The following ZCCHC2 variants were observed in gnomAD, a reference collection of about 807,000 sequenced individuals.
ZCCHC2 encodes zinc finger CCHC domain-containing protein 2.
Under a neutral mutation model 103.6 loss-of-function variants are expected in ZCCHC2, and 39 were observed. That is an observed-to-expected ratio of 0.38 (90% CI 0.29 to 0.49). ZCCHC2 has a LOEUF of 0.49. Among genes scored for constraint, ZCCHC2 ranks in the 20% least tolerant of loss-of-function variants. The pLI, the probability that ZCCHC2 is intolerant of heterozygous loss-of-function variation, is 0.96. For missense variants in ZCCHC2, 1,483 were observed against 1,491.0 expected (o/e 0.99, Z 0.09); for synonymous variants, 687 against 608.9 (o/e 1.13, Z -1.89).
chr18:62,577,394 A>G lies in ZCCHC2; in HGVS notation c.*815A>G, dbSNP rs1391583491. On this transcript the variant is annotated 3_prime_UTR_variant, in exon 14 of 14. Coordinates refer to ENST00000269499, the MANE Select transcript of ZCCHC2 (RefSeq NM_017742.6). ...ACACAAAGTGAACACACTGGTGTGA[A>G]TGTCGCTCTCTGTGTGCTTGTGTTT... 1 of 152,242 alleles carries G rather than the reference A, an allele frequency of 6.6e-6. No individual in the cohort carries two copies. 9.4% of individuals were successfully genotyped at this position (152,242 alleles called of 1,614,324 possible).
At position 62,574,321 on chromosome 18, in the gene ZCCHC2, C is replaced by T; in HGVS notation, c.2240C>T (p.Thr747Ile). The T allele has an allele frequency of 2.5e-6, 4 of 1,614,038 alleles. No homozygotes were observed. Among genetic ancestry groups the T allele is most frequent in the Non-Finnish European group, 3.4e-6 (4 of 1,179,904 alleles). ...GCACCCAAACCCGCTGATGGCAAAACCATAGGGATGCTTGTTCCTAGTCCT... is the reference window on the plus strand; with the variant it reads ...GCACCCAAACCCGCTGATGGCAAAATCATAGGGATGCTTGTTCCTAGTCCT... ...VPAPKPADGK[T>I]IGMLVPSPVA... Residue 747 changes from threonine (T) to isoleucine (I), a missense_variant, in exon 13 of 14, where the codon ACC becomes ATC. Thr to Ile is a moderately conservative substitution (Grantham distance 89, BLOSUM62 -1). This residue lies in a region of ZCCHC2 where 884 missense variants were observed against 907.5 expected (regional missense o/e 0.97). Coordinates refer to ENST00000269499, the MANE Select transcript of ZCCHC2 (RefSeq NM_017742.6).
rs1159476632 is a variant in ZCCHC2 at position 62,556,667 on chromosome 18, A to G, written c.1408+370A>G. ...TGTTCCCAATTGACCTTTCCAGCCG[A>G]TCAGACAGAAAATGTTAGCCCTGTT... On this transcript the variant is annotated intron_variant, in intron 6 of 13. Coordinates refer to ENST00000269499, the MANE Select transcript of ZCCHC2 (RefSeq NM_017742.6). 6.6e-5 allele frequency among the ~76,000 whole-genome samples: 10 copies of G among 152,204 alleles called. No homozygotes were observed. The South Asian group carries it at 2.1e-3, about 31-fold the overall frequency.
At chr18:62,540,401 TTA>T (rs1330167148) in intron 2 of ZCCHC2, among the ~76,000 whole-genome samples, 8 of 151,862 alleles carry the variant, frequency 5.3e-5, no homozygotes, top group Admixed American at 5.2e-4. Flanking sequence ...TCACACTCAG[TTA>T]TAACAATTTT....
intron 3 of ZCCHC2, among the ~76,000 whole-genome samples, chr18:62,543,385 C>T (rs772787547): frequency 6.6e-6 from 1 of 152,184 alleles, no homozygotes; most frequent in African/African-American, 2.4e-5. Context: ...CTTCATTCTT[C>T]ATCCTCAGCC....
chr18:62,574,612 C>G lies in ZCCHC2; in HGVS notation c.2531C>G (p.Pro844Arg). Residue 844 changes from proline (P) to arginine (R), a missense_variant, in exon 13 of 14, where the codon CCA (proline) becomes CGA (arginine). Around this residue, in one of 3 missense-constraint regions of ZCCHC2, gnomAD observed 884 missense variants for 907.5 expected, o/e 0.97. Coordinates refer to ENST00000269499, the MANE Select transcript of ZCCHC2 (RefSeq NM_017742.6). ...CCCGGAAGCCTGAGCATCGCATCAC[C>G]AAACACTGCCTTTATTCCTATCCAT... is the stretch of plus-strand genomic sequence containing the variant. ...QPPGSLSIAS[P>R]NTAFIPIHNP... 6.2e-7 allele frequency: 1 copy of G among 1,613,964 alleles called. No homozygotes were observed. The highest frequency in any genetic ancestry group is 1.6e-4 in the Middle Eastern group (1 of 6,062).
At chr18:62,567,337 C>T (rs1471753112) in intron 11 of ZCCHC2, among the ~76,000 whole-genome samples, 1 of 152,158 alleles carries the variant, frequency 6.6e-6, no homozygotes, top group Non-Finnish European at 1.5e-5. Context: ...AATACTGAGT[C>T]TTTCTGATTA....
intron 5 of ZCCHC2, among the ~76,000 whole-genome samples, chr18:62,550,736 C>T (rs373274007): frequency 6.6e-6 from 1 of 152,144 alleles, no homozygotes. Flanking sequence ...TTATAAAATA[C>T]TTATTGAAAG....
Position 62,562,955 on chromosome 18 carries a change from A to G in ZCCHC2, c.1551-54A>G, listed in dbSNP as rs74354731. The G allele has an allele frequency of 1.7e-3, 2,705 of 1,559,758 alleles. 42 individuals carry two copies. The African/African-American group carries it at 0.033, about 19-fold the overall frequency. On this transcript the variant is annotated intron_variant, in intron 8 of 13. Coordinates refer to ENST00000269499, the MANE Select transcript of ZCCHC2 (RefSeq NM_017742.6). ...ACTGTAACTTCTTTGTTGAAATGAA[A>G]TAGGTTATTATTGAGGGCAGATTTT...
intron 1 of ZCCHC2, among the ~76,000 whole-genome samples, chr18:62,530,207 ATGAGAAGACCTT>A (rs2145486292): frequency 6.6e-6 from 1 of 152,008 alleles, no homozygotes; most frequent in African/African-American, 2.4e-5. Context: ...CATAGAGGCT[ATGAGAAGACCTT>A]GAAGAATGAT....
exon 15 of ZCCHC2, chr18:62,584,507 T>C (rs1598975313): frequency 6.6e-6 from 1 of 152,178 alleles, no homozygotes; most frequent in Non-Finnish European, 1.5e-5. Flanking sequence ...AGATTGCTCA[T>C]TGGAACGCAA....
chr18:62,546,773 T>G (rs1915431768), intron 4 of ZCCHC2, among the ~76,000 whole-genome samples: 1 of 152,218 alleles, frequency 6.6e-6, no homozygotes, highest in Admixed American at 6.5e-5. Flanking sequence ...GTCGCCCATT[T>G]TTTCGAAAAG....
intron 11 of ZCCHC2, among the ~76,000 whole-genome samples, chr18:62,566,358 A>G (rs1037514290): frequency 6.6e-6 from 1 of 152,208 alleles, no homozygotes; most frequent in East Asian, 1.9e-4. Flanking sequence ...CTGTAGAAGG[A>G]TCTTGTAACA....
chr18:62,579,558 C>A (rs1916986286), downstream of ZCCHC2, among the ~76,000 whole-genome samples: 1 of 152,158 alleles, frequency 6.6e-6, no homozygotes, highest in East Asian at 1.9e-4. Flanking sequence ...TGATTGTTTA[C>A]AGGGCACCAA....
intron 10 of ZCCHC2, 37 bp from the exon 11 acceptor site, chr18:62,564,965 C>G: frequency 6.9e-7 from 1 of 1,457,530 alleles, no homozygotes; most frequent in Admixed American, 1.7e-5. Context: ...GGTAGATAAC[C>G]TTATTAAAAT....
At chr18:62,586,128 T>G in exon 15 of ZCCHC2, 1 of 148,944 alleles carries the variant, frequency 6.7e-6, no homozygotes, top group Admixed American at 6.7e-5. Flanking sequence ...ACCTGAAAGC[T>G]ACGTGAATCG....
At chr18:62,566,045 G>C (rs1277615631) in intron 11 of ZCCHC2, among the ~76,000 whole-genome samples, 1 of 152,142 alleles carries the variant, frequency 6.6e-6, no homozygotes, top group Non-Finnish European at 1.5e-5. Flanking sequence ...AGGAGCTCGA[G>C]ACCAGCCTGA....
intron 11 of ZCCHC2, among the ~76,000 whole-genome samples, chr18:62,568,039 T>C (rs1255464111): frequency 6.6e-6 from 1 of 151,884 alleles, no homozygotes; most frequent in Non-Finnish European, 1.5e-5. Context: ...CCAAAAAATT[T>C]AGAGGGAAAT....
chr18:62,579,418 C>T (rs1466741220), downstream of ZCCHC2, among the ~76,000 whole-genome samples: 1 of 152,192 alleles, frequency 6.6e-6, no homozygotes, highest in East Asian at 1.9e-4. Flanking sequence ...TGTTGCTCCA[C>T]GCCGCCCTTG....
Position 62,523,232 on chromosome 18 carries a change from A to G in ZCCHC2, c.-193A>G. 1 of 283,662 alleles carries G rather than the reference A, an allele frequency of 3.5e-6. No individual in the cohort carries two copies. Among genetic ancestry groups the G allele is most frequent in the Non-Finnish European group, 5.3e-6 (1 of 188,972 alleles). The allele number at this position is 283,662 out of a possible 1,614,324, so 17.6% of individuals were successfully genotyped here. On this transcript the variant is annotated 5_prime_UTR_variant, in exon 1 of 14. Coordinates refer to ENST00000269499, the MANE Select transcript of ZCCHC2 (RefSeq NM_017742.6). The stretch of plus-strand genomic sequence containing the variant: ...GGCACGCCCCGCCCCCAGCCCGGGA[A>G]GACGACGCCAGCGACCCCGCCGGCC...
Sources: allele counts gnomAD v4.1 joint callset (sites outside exome capture counted in the v4.1 genomes callset), GRCh38; gene constraint gnomAD v4.1.1; regional missense constraint gnomAD v4.1.1; transcripts MANE v1.5; gene names NCBI Gene and HGNC (gene_info 2026-07-23, HGNC 2026-07-21).